Variants in SELENOF observed in about 807,000 individuals in gnomAD.
SELENOF encodes the protein selenoprotein F, also known as 15 kDa selenoprotein.
In SELENOF, 16 loss-of-function variants were observed where a neutral mutation model predicts 20.5. The observed-to-expected ratio is 0.78, with a 90% CI of 0.53 to 1.19. The LOEUF (loss-of-function observed/expected upper bound fraction) is 1.19. Ranked by LOEUF, SELENOF falls within the 50% of genes most tolerant of loss-of-function variation. SELENOF has a pLI of 0.00. For missense variants in SELENOF, 215 were observed against 194.2 expected, an observed-to-expected ratio of 1.11 and a Z score of -0.64; for synonymous variants, 78 against 74.5, an observed-to-expected ratio of 1.05 and a Z score of -0.24.
chr1:86,902,362 T>C (rs1659725055), intron 2 of SELENOF, among the ~76,000 whole-genome samples: 1 of 152,208 alleles, frequency 6.6e-6, no homozygotes, highest in Non-Finnish European at 1.5e-5. Flanking sequence ...GGCTGAATAC[T>C]AACATTTCAA....
chr1:86,914,116 C>T lies in SELENOF; in HGVS notation c.-5G>A, dbSNP rs774417739. On this transcript the variant is annotated 5_prime_UTR_variant, in exon 1 of 5. Coordinates refer to ENST00000331835, the MANE Select transcript of SELENOF (RefSeq NM_004261.5). ...CCCAGCCGCCATCGCTACCATTTTC[C>T]GCAGGTTTCTGGCTGCCTAGAAGGA... The T allele has an allele frequency of 3.1e-6, 5 of 1,611,620 alleles. No homozygotes were observed. Among genetic ancestry groups the T allele is most frequent in the Non-Finnish European group, 3.4e-6 (4 of 1,177,814 alleles).
rs1659498094 is a variant in SELENOF at position 86,895,488 on chromosome 1, T to G, written c.252+7793A>C. On this transcript the variant is annotated intron_variant, in intron 2 of 4. Transcript: ENST00000331835. ...ATATTAACTTATTTAATCCTCATAATCACCCTATGAGACAGGAACTATAAT... is the reference window on the plus strand; with the variant it reads ...ATATTAACTTATTTAATCCTCATAAGCACCCTATGAGACAGGAACTATAAT... 5.9e-5 allele frequency among the ~76,000 whole-genome samples: 9 copies of G among 152,320 alleles called. 1 individual carries two copies. The South Asian group carries it at 1.9e-3, about 32-fold the overall frequency.
intron 1 of SELENOF, among the ~76,000 whole-genome samples, chr1:86,911,962 G>A (rs1173921343): frequency 6.6e-6 from 1 of 151,918 alleles, no homozygotes; most frequent in Non-Finnish European, 1.5e-5. Context: ...ACTAGAGACG[G>A]GGTTTCACCG....
intron 2 of SELENOF, among the ~76,000 whole-genome samples, chr1:86,897,767 C>G (rs1366661096): frequency 6.6e-6 from 1 of 152,164 alleles, no homozygotes; most frequent in Non-Finnish European, 1.5e-5. Context: ...GAAAGCCAGT[C>G]AGTAGTGAGA....
chr1:86,866,012 T>G (rs770201118), intron 4 of SELENOF, among the ~76,000 whole-genome samples: 1 of 151,618 alleles, frequency 6.6e-6, no homozygotes, highest in Non-Finnish European at 1.5e-5. Context: ...TTAGGCAACA[T>G]AGCAAGACCC....
chr1:86,869,616 GGTT>G (rs1351124374), intron 3 of SELENOF, among the ~76,000 whole-genome samples: 2 of 151,870 alleles, frequency 1.3e-5, no homozygotes, highest in Non-Finnish European at 2.9e-5. Context: ...TTCCCGTTTT[GGTT>G]GTTATCAATC....
chr1:86,896,126 G>T (rs543227864), intron 2 of SELENOF, among the ~76,000 whole-genome samples: 2 of 152,208 alleles, frequency 1.3e-5, no homozygotes, highest in South Asian at 4.2e-4. Context: ...TGCTTGCGAG[G>T]CTGAGGCAGG....
In SELENOF at chr1:86,901,738, C is replaced by T. The variant is rs1659710747; in HGVS notation, c.252+1543G>A. On this transcript the variant is annotated intron_variant, in intron 2 of 4. Coordinates refer to ENST00000331835, the MANE Select transcript of SELENOF (RefSeq NM_004261.5). ...TAATTAATTTTAGAGGTTTGTGGTGCAAGTTTGGTTCTACTAAAATTATAC... is the reference window on the plus strand; with the variant it reads ...TAATTAATTTTAGAGGTTTGTGGTGTAAGTTTGGTTCTACTAAAATTATAC... Among the ~76,000 whole-genome samples the T allele has an allele frequency of 3.3e-5, 5 of 152,104 alleles. No individual in the cohort carries two copies. In the South Asian group the frequency reaches 1.0e-3, roughly 32 times the overall value.
At chr1:86,879,194 A>G (rs941347518) in intron 3 of SELENOF, among the ~76,000 whole-genome samples, 23 of 152,184 alleles carry the variant, frequency 1.5e-4, no homozygotes, top group African/African-American at 5.5e-4. Context: ...CTAAAAATCA[A>G]TTGCTAAAAC....
intron 3 of SELENOF, among the ~76,000 whole-genome samples, chr1:86,874,934 T>C (rs1389828659): frequency 6.6e-6 from 1 of 152,176 alleles, no homozygotes; most frequent in African/African-American, 2.4e-5. Context: ...CAAAAAAGTA[T>C]TTCTAAAACA....
intron 3 of SELENOF, among the ~76,000 whole-genome samples, chr1:86,874,190 CGAACGCCTG>C (rs1022447630): frequency 3.3e-5 from 5 of 151,576 alleles, no homozygotes; most frequent in African/African-American, 1.2e-4. Flanking sequence ...AGGCTGGTCT[CGAACGCCTG>C]ACCTCGTGAT....
intron 2 of SELENOF, among the ~76,000 whole-genome samples, chr1:86,898,597 TTTGA>T (rs1659587400): frequency 1.3e-5 from 2 of 150,386 alleles, no homozygotes; most frequent in African/African-American, 4.9e-5. Flanking sequence ...TTTTTTTTTT[TTTGA>T]GACAGAATCT....
Position 86,880,816 on chromosome 1 carries a change from C to T in SELENOF, c.253-91G>A. 3.7e-6 allele frequency: 3 copies of T among 806,786 alleles called. No individual in the cohort carries two copies. In the Admixed American group the frequency reaches 8.9e-5, roughly 24 times the overall value. The allele number at this position is 806,786 out of a possible 1,614,324, so 50.0% of individuals were successfully genotyped here. ...ATAAATTTTCACAGTATAAACATTA[C>T]AGTTAGCAGATATATAGATCAAAGA... On this transcript the variant is annotated intron_variant, in intron 2 of 4. Coordinates refer to ENST00000331835, the MANE Select transcript of SELENOF (RefSeq NM_004261.5).
At chr1:86,891,319 G>A (rs1659379129) in intron 2 of SELENOF, among the ~76,000 whole-genome samples, 1 of 151,384 alleles carries the variant, frequency 6.6e-6, no homozygotes, top group African/African-American at 2.4e-5. Flanking sequence ...AAAGTGGTGG[G>A]ATTACAGGTG....
intron 2 of SELENOF, among the ~76,000 whole-genome samples, chr1:86,889,329 C>T (rs1659317816): frequency 6.6e-6 from 1 of 152,112 alleles, no homozygotes. Context: ...GGCGCGGTGG[C>T]TCAGGTCTGT....
intron 2 of SELENOF, among the ~76,000 whole-genome samples, chr1:86,889,014 T>C (rs952127865): frequency 2.0e-5 from 3 of 152,198 alleles, no homozygotes; most frequent in Non-Finnish European, 4.4e-5. Context: ...AATTAAATTG[T>C]GGTATCTCCC....
chr1:86,884,022 C>T (rs943689826), intron 2 of SELENOF, among the ~76,000 whole-genome samples: 52 of 152,298 alleles, frequency 3.4e-4, no homozygotes, highest in African/African-American at 1.2e-3. Context: ...TAAACTTTCA[C>T]AGAACTTTGT....
intron 2 of SELENOF, among the ~76,000 whole-genome samples, chr1:86,897,778 C>G (rs1229331556): frequency 1.3e-5 from 2 of 152,120 alleles, no homozygotes; most frequent in African/African-American, 4.8e-5. Flanking sequence ...AGTAGTGAGA[C>G]AAAGAATATG....
intron 4 of SELENOF, among the ~76,000 whole-genome samples, chr1:86,866,673 G>C (rs1417331820): frequency 6.6e-6 from 1 of 152,102 alleles, no homozygotes; most frequent in Non-Finnish European, 1.5e-5. Flanking sequence ...TCTCACCAAA[G>C]ACACACAGAT....
Sources: allele counts gnomAD v4.1 joint callset (sites outside exome capture counted in the v4.1 genomes callset), GRCh38; gene constraint gnomAD v4.1.1; transcripts MANE v1.5; gene names NCBI Gene and HGNC (gene_info 2026-07-23, HGNC 2026-07-21).